The following PABIR3 variants were observed in gnomAD, a reference collection of about 807,000 sequenced individuals.
The protein encoded by PABIR3 is PABIR family member 3, also known as PABIR family member 1.
Under a neutral mutation model 23.1 loss-of-function variants are expected in PABIR3, and 20 were observed. The ratio of observed to expected loss-of-function variants is 0.86; its 90% CI spans 0.61 to 1.26. PABIR3 has a LOEUF of 1.26. Among genes scored for constraint, PABIR3 ranks in the 50% most tolerant of loss-of-function variants. The probability of loss-of-function intolerance (pLI) is 0.00; values close to 1 mark genes in which losing one functional copy is unlikely to be tolerated. For synonymous variants in PABIR3, 69 were observed against 68.5 expected (o/e 1.01, Z -0.04); for missense variants, 189 against 195.4 (o/e 0.97, Z 0.20).
rs886897169 is a variant in PABIR3 at position 134,847,757 on chromosome X, A to C, written c.439-126A>C. On this transcript the variant is annotated intron_variant, in intron 7 of 10. Coordinates refer to ENST00000645433, the MANE Select transcript of PABIR3 (RefSeq NM_001388447.1). ...ATTGAACAGTTCCCACACTCAAAAC[A>C]ATTTCCTAATGATCTTTTGTACCCC... 3 of 542,963 alleles carry C rather than the reference A, an allele frequency of 5.5e-6. No homozygotes were observed. In the African/African-American group the frequency reaches 6.9e-5, roughly 13 times the overall value. The allele number at this position is 542,963 out of a possible 1,213,427, so 44.7% of individuals were successfully genotyped here.
chrX:134,856,155 C>T (rs926849957), downstream of PABIR3, among the ~76,000 whole-genome samples: 1 of 109,345 alleles, frequency 9.1e-6, no homozygotes, highest in Non-Finnish European at 1.9e-5. Context: ...ATACTTTTCT[C>T]AACTCAGACA....
intron 2 of PABIR3, 21 bp from the exon 3 acceptor site, chrX:134,814,748 CAT>C (rs767371627): frequency 8.5e-5 from 87 of 1,018,713 alleles, no homozygotes; most frequent in African/African-American, 1.2e-4. Context: ...TTATATAACA[CAT>C]GTTTTTGTTT....
intron 3 of PABIR3, among the ~76,000 whole-genome samples, chrX:134,820,690 A>G (rs2081224470): frequency 9.0e-6 from 1 of 111,620 alleles, no homozygotes; most frequent in Admixed American, 9.7e-5. Context: ...TTTTACCACA[A>G]TTTTAAAAAT....
chrX:134,849,026 CAAAG>C (rs1603246744), intron 8 of PABIR3, 137 bp from the exon 9 acceptor site: 2 of 239,373 alleles, frequency 8.4e-6, no homozygotes, highest in Non-Finnish European at 1.5e-5. Flanking sequence ...AAAATAAAAA[CAAAG>C]AAAAGCAGTA....
chrX:134,845,325 G>A (rs2082397356), intron 5 of PABIR3, 22 bp from the exon 6 acceptor site: 2 of 1,201,853 alleles, frequency 1.7e-6, no homozygotes, highest in South Asian at 1.8e-5. Flanking sequence ...TAGGCAAACT[G>A]CAGTTTTGAT....
chrX:134,855,230 C>G (rs187122284), downstream of PABIR3, among the ~76,000 whole-genome samples: 656 of 109,939 alleles, frequency 6.0e-3, 5 homozygotes, highest in South Asian at 0.02. Context: ...GTCAGGAGAT[C>G]GAGACCATCC....
chrX:134,828,386 C>T (rs994585878), intron 3 of PABIR3, among the ~76,000 whole-genome samples: 3 of 111,136 alleles, frequency 2.7e-5, no homozygotes, highest in Non-Finnish European at 5.6e-5. Flanking sequence ...CTACCGCGCC[C>T]GGCCTCATTC....
chrX:134,815,704 G>A (rs1363915465), intron 3 of PABIR3, among the ~76,000 whole-genome samples: 2 of 106,015 alleles, frequency 1.9e-5, no homozygotes, highest in African/African-American at 3.5e-5. Context: ...TTTTGAGACA[G>A]AGTCTCACTT....
rs189946578 is a variant in PABIR3 at position 134,853,888 on chromosome X, G to A, written c.687-203G>A. ...CTGCCTTGGCCTTGCAAAGTGCTTG[G>A]ATTACAGGCATAAGCCACCACACCT... is the stretch of plus-strand genomic sequence containing the variant. On this transcript the variant is annotated intron_variant, in intron 10 of 10. Transcript: ENST00000645433. 4.2e-4 allele frequency among the ~76,000 whole-genome samples: 47 copies of A among 111,889 alleles called. No individual in the cohort carries two copies. In the South Asian group the frequency reaches 4.4e-3, roughly 11 times the overall value.
chrX:134,809,971 G>A, intron 2 of PABIR3: 8 of 754,625 alleles, frequency 1.1e-5, no homozygotes, highest in Non-Finnish European at 1.3e-5. Flanking sequence ...GACTCTGCAT[G>A]TTGTGCTGAG....
chrX:134,846,159 T>A (rs1428363421), intron 6 of PABIR3, among the ~76,000 whole-genome samples: 2 of 111,267 alleles, frequency 1.8e-5, no homozygotes, highest in African/African-American at 6.5e-5. Context: ...GCAGGGGAAA[T>A]TCCAGATGCT....
chrX:134,815,000 A>G (rs2080898199), intron 3 of PABIR3, 151 bp downstream of exon 3: 1 of 417,956 alleles, frequency 2.4e-6, no homozygotes, highest in Non-Finnish European at 4.1e-6. Flanking sequence ...GATTAAGTAG[A>G]TGGGGGTGGA....
intron 3 of PABIR3, among the ~76,000 whole-genome samples, chrX:134,823,246 A>T (rs1237073380): frequency 3.5e-5 from 4 of 112,731 alleles, no homozygotes; most frequent in African/African-American, 9.6e-5. Context: ...TTAAATAAAT[A>T]AAAAATTAAA....
intron 4 of PABIR3, among the ~76,000 whole-genome samples, chrX:134,843,562 C>CTTTTTTTT (rs140467304): frequency 4.7e-5 from 2 of 42,302 alleles, no homozygotes; most frequent in African/African-American, 9.6e-5. Flanking sequence ...AGGCTTATTT[C>CTTTTTTTT]TTTTTTTTTT....
intron 1 of PABIR3, among the ~76,000 whole-genome samples, chrX:134,797,876 G>A (rs2079946224): frequency 9.6e-6 from 1 of 104,616 alleles, no homozygotes; most frequent in African/African-American, 3.6e-5. Flanking sequence ...GGCAGTGCAC[G>A]ATCTTGTCTC....
At chrX:134,853,676 G>A (rs979508337) in intron 10 of PABIR3, among the ~76,000 whole-genome samples, 11 of 108,882 alleles carry the variant, frequency 1.0e-4, no homozygotes, top group African/African-American at 3.7e-4. Flanking sequence ...CTGGAGTGCA[G>A]TGGCACCATC....
intron 3 of PABIR3, among the ~76,000 whole-genome samples, chrX:134,821,143 C>T (rs1266779008): frequency 1.1e-5 from 1 of 93,782 alleles, no homozygotes; most frequent in African/African-American, 4.0e-5. Context: ...TAGGTAAAAC[C>T]GTGTTTTAGA....
intron 4 of PABIR3, chrX:134,831,546 T>G (rs768171871): frequency 9.0e-6 from 1 of 111,610 alleles, no homozygotes; most frequent in Non-Finnish European, 1.9e-5. Context: ...ATATTGGCTA[T>G]CTCATAGAAT....
rs750958954 is a variant in PABIR3 at position 134,814,743 on chromosome X, T to C, written c.111-28T>C. ...AAAGAATTTTGTAATGGATTTTATA[T>C]AACACATGTTTTTGTTTTTCTTTTT... On this transcript the variant is annotated intron_variant, in intron 2 of 10. Coordinates refer to ENST00000645433, the MANE Select transcript of PABIR3 (RefSeq NM_001388447.1). 4 of 1,024,336 alleles carry C rather than the reference T, an allele frequency of 3.9e-6. No homozygotes were observed. In the Admixed American group the frequency reaches 1.1e-4, roughly 28 times the overall value. 84.4% of individuals were successfully genotyped at this position (1,024,336 alleles called of 1,213,427 possible).
Sources: gnomAD v4.1 joint callset for allele counts (sites outside exome capture counted in the v4.1 genomes callset) on GRCh38, gnomAD v4.1.1 for gene constraint, MANE v1.5 for transcripts, NCBI Gene and HGNC (gene_info 2026-07-23, HGNC 2026-07-21) for gene names.